PRTFDC1: variants seen among roughly 807,000 people sequenced by gnomAD.
PRTFDC1 encodes the protein phosphoribosyl transferase domain containing 1.
Under a neutral mutation model 34.6 loss-of-function variants are expected in PRTFDC1, and 38 were observed. That is an observed-to-expected ratio of 1.10 (90% CI 0.85 to 1.44). The LOEUF (loss-of-function observed/expected upper bound fraction) is 1.44. PRTFDC1 is among the 40% of genes most tolerant of loss of function. PRTFDC1 has a pLI of 0.00. For synonymous variants in PRTFDC1, 93 were observed against 98.1 expected (o/e 0.95, Z 0.31); for missense variants, 270 against 283.0 (o/e 0.95, Z 0.33).
chr10:24,893,739 T>G (rs558534644), intron 3 of PRTFDC1, among the ~76,000 whole-genome samples: 44 of 151,684 alleles, frequency 2.9e-4, no homozygotes, highest in African/African-American at 1.0e-3. Flanking sequence ...GATGAGAAAA[T>G]GGAATCTTAA....
intron 3 of PRTFDC1, among the ~76,000 whole-genome samples, chr10:24,884,296 A>G (rs1310241252): frequency 6.6e-6 from 1 of 151,312 alleles, no homozygotes; most frequent in Non-Finnish European, 1.5e-5. Flanking sequence ...GTGTTGAGGA[A>G]GGGCCCAGGG....
intron 3 of PRTFDC1, among the ~76,000 whole-genome samples, chr10:24,895,343 C>T (rs1030711582): frequency 7.1e-6 from 1 of 141,590 alleles, no homozygotes; most frequent in Non-Finnish European, 1.5e-5. Context: ...CCTCTGCCCC[C>T]TGGGTTCAAG....
chr10:24,945,448 G>A (rs1849238155), intron 1 of PRTFDC1, among the ~76,000 whole-genome samples: 1 of 152,086 alleles, frequency 6.6e-6, no homozygotes, highest in Non-Finnish European at 1.5e-5. Context: ...GCCACATGGT[G>A]TATATCATCT....
At chr10:24,860,192 C>A (rs545152008) in intron 4 of PRTFDC1, among the ~76,000 whole-genome samples, 1 of 152,170 alleles carries the variant, frequency 6.6e-6, no homozygotes, top group African/African-American at 2.4e-5. Context: ...CCAGCCTGGC[C>A]AATTTGGTGA....
At chr10:24,871,363 A>G (rs1847864720) in intron 4 of PRTFDC1, among the ~76,000 whole-genome samples, 1 of 152,204 alleles carries the variant, frequency 6.6e-6, no homozygotes, top group African/African-American at 2.4e-5. Context: ...CACGAACATC[A>G]TCTTCGTTAG....
At chr10:24,890,581 G>A (rs146448240) in intron 3 of PRTFDC1, among the ~76,000 whole-genome samples, 5 of 152,330 alleles carry the variant, frequency 3.3e-5, no homozygotes, top group South Asian at 2.1e-4. Context: ...CTTCTGTTTT[G>A]TAAGGGAGGG....
At chr10:24,924,314 T>C (rs1848838474) in intron 3 of PRTFDC1, among the ~76,000 whole-genome samples, 1 of 152,154 alleles carries the variant, frequency 6.6e-6, no homozygotes, top group Non-Finnish European at 1.5e-5. Flanking sequence ...ACCACAAAGA[T>C]ACTCCTCGAG....
At chr10:24,890,217 G>A (rs1301078099) in intron 3 of PRTFDC1, among the ~76,000 whole-genome samples, 2 of 152,220 alleles carry the variant, frequency 1.3e-5, no homozygotes, top group African/African-American at 4.8e-5. Context: ...CTTTGAGCAT[G>A]AGAAATGTGA....
intron 3 of PRTFDC1, among the ~76,000 whole-genome samples, chr10:24,915,845 A>T (rs1304195422): frequency 6.6e-6 from 1 of 151,902 alleles, no homozygotes; most frequent in Admixed American, 6.6e-5. Context: ...TTCTCTATCC[A>T]CCTTCACTCC....
intron 4 of PRTFDC1, among the ~76,000 whole-genome samples, chr10:24,866,057 C>T (rs1308093983): frequency 6.6e-6 from 1 of 152,080 alleles, no homozygotes; most frequent in Non-Finnish European, 1.5e-5. Flanking sequence ...ATGCTTCACT[C>T]TGGCATTTAA....
At chr10:24,887,348 G>A (rs536884538) in intron 3 of PRTFDC1, among the ~76,000 whole-genome samples, 10 of 152,202 alleles carry the variant, frequency 6.6e-5, no homozygotes, top group South Asian at 4.2e-4. Context: ...TAATCCCCAC[G>A]TGTCATGGGA....
chr10:24,950,720 G>A (rs945411782), intron 1 of PRTFDC1, among the ~76,000 whole-genome samples: 2 of 151,892 alleles, frequency 1.3e-5, no homozygotes, highest in African/African-American at 4.8e-5. Context: ...TTCTTTCTCG[G>A]TTCCTTCAAC....
In PRTFDC1 at chr10:24,880,826, T is replaced by TCTTTCTTTCTTTCTTC. The variant is rs1491177011; in HGVS notation, c.340-8764_340-8763insGAAGAAAGAAAGAAAG. On this transcript the variant is annotated intron_variant, in intron 3 of 8. Transcript: ENST00000320152. ...TTTACTGTCTTTCTCTTTCTTTCTT[T>TCTTTCTTTCTTTCTTC]CTTTCTTTCTTTCTTTCTTTCTTTC... 1.1e-3 allele frequency among the ~76,000 whole-genome samples: 123 copies of TCTTTCTTTCTTTCTTC among 115,598 alleles called. 1 individual carries two copies. The highest frequency in any genetic ancestry group is 4.7e-3 in the African/African-American group (115 of 24,578). 75.8% of individuals were successfully genotyped at this position (115,598 alleles called of 152,430 possible).
intron 3 of PRTFDC1, among the ~76,000 whole-genome samples, chr10:24,873,422 A>G (rs1418175038): frequency 6.6e-6 from 1 of 152,216 alleles, no homozygotes; most frequent in Non-Finnish European, 1.5e-5. Context: ...GTGATGTTGC[A>G]ATCCCTTGAT....
rs144136633 is a variant in PRTFDC1, at chr10:24,904,735, C to A, written c.339+32449G>T. Among the ~76,000 whole-genome samples the A allele has an allele frequency of 1.6e-4, 25 of 152,266 alleles. 1 individual carries two copies. In the East Asian group the frequency reaches 4.6e-3, roughly 28 times the overall value. On this transcript the variant is annotated intron_variant, in intron 3 of 8. Transcript: ENST00000320152. ...TTTAGAGAGACCACTCTTATTTGTT[C>A]CTTTACCTATGCTACTGATCCTGTC...
intron 3 of PRTFDC1, among the ~76,000 whole-genome samples, chr10:24,893,518 C>T (rs1431389998): frequency 1.3e-5 from 2 of 152,110 alleles, no homozygotes; most frequent in South Asian, 2.1e-4. Context: ...ATAGGTTGCC[C>T]AGGCTGGTCT....
chr10:24,887,613 C>T (rs1848192873), intron 3 of PRTFDC1, among the ~76,000 whole-genome samples: 1 of 152,124 alleles, frequency 6.6e-6, no homozygotes, highest in Admixed American at 6.6e-5. Context: ...TTATGAATTA[C>T]CCAGTCTCGG....
intron 3 of PRTFDC1, among the ~76,000 whole-genome samples, chr10:24,916,329 G>A (rs912246325): frequency 6.6e-6 from 1 of 152,014 alleles, no homozygotes; most frequent in African/African-American, 2.4e-5. Flanking sequence ...TCTATTCTCA[G>A]CACCACACAC....
chr10:24,871,069 T>A (rs12780082), intron 4 of PRTFDC1, among the ~76,000 whole-genome samples: 31 of 103,082 alleles, frequency 3.0e-4, no homozygotes, highest in East Asian at 5.7e-4. Flanking sequence ...AGACTCTGTC[T>A]AAAAAAAAAA....
Sources: gnomAD v4.1 joint callset for allele counts (sites outside exome capture counted in the v4.1 genomes callset) on GRCh38, gnomAD v4.1.1 for gene constraint, MANE v1.5 for transcripts, NCBI Gene and HGNC (gene_info 2026-07-23, HGNC 2026-07-21) for gene names.